The following DENND4C variants were observed in gnomAD, a reference collection of about 807,000 sequenced individuals.
DENND4C encodes the protein DENN domain containing 4C.
In DENND4C, 108 loss-of-function variants were observed where a neutral mutation model predicts 203.0. The observed-to-expected ratio is 0.53, with a 90% confidence interval of 0.46 to 0.62. DENND4C has a LOEUF of 0.62. Ranked by LOEUF, DENND4C falls within the 20% of genes least tolerant of loss-of-function variation. DENND4C has a pLI of 0.00. For synonymous variants in DENND4C, 871 were observed against 792.4 expected, an observed-to-expected ratio of 1.10 and a Z score of -1.67; for missense variants, 2,481 against 2,301.2, an observed-to-expected ratio of 1.08 and a Z score of -1.60.
intron 1 of DENND4C, among the ~76,000 whole-genome samples, chr9:19,255,416 ATT>A (rs35155410): frequency 2.0e-4 from 30 of 150,328 alleles, no homozygotes; most frequent in South Asian, 4.2e-4. Flanking sequence ...AAAAAAAAAA[ATT>A]TTTTTTTAAT....
Position 19,272,828 on chromosome 9 carries a change from C to T in DENND4C, c.-17-3330C>T, listed in dbSNP as rs1020764660. Among the ~76,000 whole-genome samples, 24 of 151,954 alleles carry T rather than the reference C, an allele frequency of 1.6e-4. 2 individuals carry two copies. Among genetic ancestry groups the T allele is most frequent in the Admixed American group, 4.6e-4 (7 of 15,250 alleles). On this transcript the variant is annotated intron_variant, in intron 1 of 32. Coordinates refer to ENST00000434457, the MANE Select transcript of DENND4C (RefSeq NM_001330640.2). ...TCTCGCCCAGGTTGGAGCACAGTGG[C>T]GTGATCTTGGCTCACTGCAGCCTCT...
intron 31 of DENND4C, among the ~76,000 whole-genome samples, chr9:19,370,743 G>A (rs921595112): frequency 6.6e-6 from 1 of 152,228 alleles, no homozygotes; most frequent in Admixed American, 6.5e-5. Context: ...ACTATTGTCT[G>A]CTAATATGCT....
chr9:19,353,970 T>C (rs1430636243), intron 26 of DENND4C, among the ~76,000 whole-genome samples: 1 of 152,174 alleles, frequency 6.6e-6, no homozygotes, highest in Non-Finnish European at 1.5e-5. Flanking sequence ...ATCATACTCT[T>C]TAATTCCTGA....
At chr9:19,331,897 C>G in intron 16 of DENND4C, 81 bp from the exon 17 acceptor site, 1 of 1,314,848 alleles carries the variant, frequency 7.6e-7, no homozygotes. Context: ...TACTTAAATT[C>G]TCCTCTCCCT....
At chr9:19,233,101 G>T (rs1314464314) in intron 1 of DENND4C, among the ~76,000 whole-genome samples, 1 of 151,924 alleles carries the variant, frequency 6.6e-6, no homozygotes, top group Non-Finnish European at 1.5e-5. Context: ...TTAAGTACAG[G>T]TTGTAAAGTA....
intron 4 of DENND4C, 32 bp downstream of exon 4, chr9:19,288,697 C>T: frequency 8.6e-7 from 1 of 1,165,220 alleles, no homozygotes; most frequent in Non-Finnish European, 1.1e-6. Flanking sequence ...GTCTCAATTG[C>T]TATAGTTATT....
chr9:19,347,056 T>C lies in DENND4C; in HGVS notation c.4287T>C (p.Val1429=), dbSNP rs774900954. 2.5e-6 allele frequency: 4 copies of C among 1,613,910 alleles called. No individual in the cohort carries two copies. The highest frequency in any genetic ancestry group is 3.4e-6 in the Non-Finnish European group (4 of 1,179,966). ...TAGCCAGTAAGATGTGGGTAGCTGT[T>C]GCGTCTGCCTACAGCTACTCAGATG... ...ATVASKMWVA[V]ASAYSYSDDE... is the part of the protein sequence containing the mutation. Residue 1429 remains valine (V), a synonymous_variant, in exon 23 of 33, where the codon GTT becomes GTC. Coordinates refer to ENST00000434457, the MANE Select transcript of DENND4C (RefSeq NM_001330640.2).
chr9:19,257,081 A>AAC (rs1432341795), intron 1 of DENND4C, among the ~76,000 whole-genome samples: 4 of 152,020 alleles, frequency 2.6e-5, no homozygotes, highest in East Asian at 1.9e-4. Flanking sequence ...AAAAAAAAAA[A>AAC]GGAAATATAT....
chr9:19,360,726 G>C lies in DENND4C; in HGVS notation c.5406+237G>C, dbSNP rs532265549. Reference sequence around the variant, plus strand: ...GTTCTGCTTTTGGTCCAGGATGGCTGATTACCTCCAAGCTGTCACATCTAC... The same window carrying C: ...GTTCTGCTTTTGGTCCAGGATGGCTCATTACCTCCAAGCTGTCACATCTAC... On this transcript the variant is annotated intron_variant, in intron 29 of 32. Transcript: ENST00000434457. Among the ~76,000 whole-genome samples, 5 of 152,280 alleles carry C rather than the reference G, an allele frequency of 3.3e-5. No homozygotes were observed. The South Asian group carries it at 8.3e-4, about 25-fold the overall frequency.
intron 10 of DENND4C, among the ~76,000 whole-genome samples, chr9:19,312,208 A>G (rs1332343951): frequency 2.0e-5 from 3 of 152,132 alleles, no homozygotes; most frequent in Non-Finnish European, 4.4e-5. Context: ...GGCTCAAGCA[A>G]TTCTTATGCC....
intron 10 of DENND4C, among the ~76,000 whole-genome samples, chr9:19,309,289 G>T (rs943256328): frequency 6.6e-6 from 1 of 152,040 alleles, no homozygotes; most frequent in Non-Finnish European, 1.5e-5. Flanking sequence ...GGGCATGGTG[G>T]TGCATGCCTG....
chr9:19,336,928 T>C (rs1478922914), intron 20 of DENND4C, 96 bp downstream of exon 20: 27 of 1,208,676 alleles, frequency 2.2e-5, no homozygotes, highest in East Asian at 1.0e-4. Flanking sequence ...TTGTGTGATA[T>C]GACTACTTTA....
At chr9:19,278,418 C>T (rs1043931780) in intron 2 of DENND4C, among the ~76,000 whole-genome samples, 2 of 152,020 alleles carry the variant, frequency 1.3e-5, no homozygotes, top group Non-Finnish European at 2.9e-5. Context: ...CGTGAGTTAC[C>T]ACACCTGGCC....
chr9:19,374,032 T>C lies in DENND4C; in HGVS notation c.*1859T>C, dbSNP rs547498176. ...AGTATATATTTTTGCAACTCAAGACTTGGTACTAGTTTTAATACTTAACAC... is the reference window on the plus strand; with the variant it reads ...AGTATATATTTTTGCAACTCAAGACCTGGTACTAGTTTTAATACTTAACAC... On this transcript the variant is annotated 3_prime_UTR_variant, in exon 33 of 33. Coordinates refer to ENST00000434457, the MANE Select transcript of DENND4C (RefSeq NM_001330640.2). Among the ~76,000 whole-genome samples, 23 of 152,302 alleles carry C rather than the reference T, an allele frequency of 1.5e-4. No homozygotes were observed. The highest frequency in any genetic ancestry group is 5.3e-4 in the African/African-American group (22 of 41,570).
At chr9:19,321,335 T>C (rs1261507290) in intron 12 of DENND4C, among the ~76,000 whole-genome samples, 1 of 152,080 alleles carries the variant, frequency 6.6e-6, no homozygotes, top group East Asian at 1.9e-4. Flanking sequence ...AACCTGGTGA[T>C]TGAATATGGA....
chr9:19,362,554 C>T (rs914159473), intron 30 of DENND4C, among the ~76,000 whole-genome samples: 1 of 151,776 alleles, frequency 6.6e-6, no homozygotes, highest in African/African-American at 2.4e-5. Context: ...AAAAAGTACA[C>T]ACACACACAC....
In DENND4C at chr9:19,316,345, G is replaced by C. The variant is rs763354523; in HGVS notation, c.1488-72G>C. On this transcript the variant is annotated intron_variant, in intron 10 of 32. Coordinates refer to ENST00000434457, the MANE Select transcript of DENND4C (RefSeq NM_001330640.2). ...CTTTTCCATTTTCTTGTTTTAGGTT[G>C]ATGCAAGAATTTTGTCTAGTAAAAG... 3.3e-6 allele frequency: 4 copies of C among 1,194,664 alleles called. No homozygotes were observed. The Admixed American group carries it at 8.5e-5, about 26-fold the overall frequency. The allele number at this position is 1,194,664 out of a possible 1,614,324, so 74.0% of individuals were successfully genotyped here. A position where few individuals can be genotyped will look rare whatever the true frequency, so the allele number is the denominator to read the frequency against.
chr9:19,255,007 AGGG>A (rs993725942), intron 1 of DENND4C, among the ~76,000 whole-genome samples: 3 of 151,456 alleles, frequency 2.0e-5, no homozygotes, highest in Non-Finnish European at 2.9e-5. Flanking sequence ...GTGGTGGTGG[AGGG>A]GGGGCCGCCT....
chr9:19,313,290 C>T (rs184631729), intron 10 of DENND4C, among the ~76,000 whole-genome samples: 6 of 152,096 alleles, frequency 3.9e-5, no homozygotes, highest in Admixed American at 2.6e-4. Context: ...GGTACAAAAA[C>T]AATGAATTTT....
Sources: allele counts gnomAD v4.1 joint callset (sites outside exome capture counted in the v4.1 genomes callset), GRCh38; gene constraint gnomAD v4.1.1; transcripts MANE v1.5; gene names NCBI Gene and HGNC (gene_info 2026-07-23, HGNC 2026-07-21).